BCO2: variants seen among roughly 807,000 people sequenced by gnomAD.
The protein encoded by BCO2 is carotenoid-cleaving dioxygenase, mitochondrial.
In BCO2, 56 loss-of-function variants were observed where a neutral mutation model predicts 65.8. The observed-to-expected ratio is 0.85, with a 90% CI of 0.69 to 1.06. The LOEUF (loss-of-function observed/expected upper bound fraction) is 1.06, where lower values mean the gene tolerates loss of function less well. BCO2 is among the 50% of genes least tolerant of loss of function. BCO2 has a pLI of 0.00. For missense variants in BCO2, 675 were observed against 698.5 expected, an observed-to-expected ratio of 0.97 and a Z score of 0.38; for synonymous variants, 233 against 242.3, an observed-to-expected ratio of 0.96 and a Z score of 0.36.
Position 112,193,608 on chromosome 11 carries a change from C to G in BCO2, c.428C>G (p.Ser143Ter), listed in dbSNP as rs903556679. The change falls in exon 3 of 12, where the codon TCA becomes TGA. Residue 143 changes from serine to a stop codon, truncating the protein, a stop_gained. Coordinates refer to ENST00000357685, the MANE Select transcript of BCO2 (RefSeq NM_031938.7). LOFTEE classifies it high-confidence loss of function. ...ANSAKNRIVI[S>*]EFGTLALPDP... Reference sequence around the variant, plus strand: ...AGTGCTAAAAACCGAATTGTGATCTCAGAATTTGGCACACTGGCTCTCCCG... The same window carrying G: ...AGTGCTAAAAACCGAATTGTGATCTGAGAATTTGGCACACTGGCTCTCCCG... 1.2e-6 allele frequency: 2 copies of G among 1,614,174 alleles called. No homozygotes were observed. Among genetic ancestry groups the G allele is most frequent in the Non-Finnish European group, 1.7e-6 (2 of 1,180,032 alleles).
chr11:112,215,506 C>G (rs1177512813), intron 10 of BCO2: 1 of 155,882 alleles, frequency 6.4e-6, no homozygotes, highest in African/African-American at 2.4e-5. Context: ...GTCAGGAAAT[C>G]AAGACCATCC....
intron 2 of BCO2, 146 bp from the exon 3 acceptor site, chr11:112,193,328 A>G (rs1056674855): frequency 9.0e-6 from 7 of 778,906 alleles, no homozygotes; most frequent in Non-Finnish European, 1.2e-5. Flanking sequence ...TCCTCCCACA[A>G]TTTCAAGTTC....
Position 112,213,721 on chromosome 11 carries a change from C to G in BCO2, c.1195-3C>G. 6.2e-7 allele frequency: 1 copy of G among 1,612,286 alleles called. No individual in the cohort carries two copies. Among genetic ancestry groups the G allele is most frequent in the South Asian group, 1.1e-5 (1 of 90,978 alleles). On this transcript the variant is annotated splice_region_variant and splice_polypyrimidine_tract_variant and intron_variant, in intron 8 of 11. Transcript: ENST00000357685. ...TTTTCATCTCTTTCTTCTTCCCAAA[C>G]AGGTCCATAATTCAGCAGCCAAATC...
At chr11:112,194,851 A>G (rs1867523267) in intron 5 of BCO2, 96 bp downstream of exon 5, 2 of 778,908 alleles carry the variant, frequency 2.6e-6, no homozygotes, top group South Asian at 3.4e-5. Flanking sequence ...TACTGGCACA[A>G]GTAGAGAGAG....
At position 112,180,800 on chromosome 11, in the gene BCO2, G is replaced by A. The variant is rs1227809444; in HGVS notation, c.293+1318G>A. 1.8e-5 allele frequency: 18 copies of A among 1,015,990 alleles called. No homozygotes were observed. In the East Asian group the frequency reaches 3.8e-4, roughly 21 times the overall value. 62.9% of individuals were successfully genotyped at this position (1,015,990 alleles called of 1,614,324 possible). On this transcript the variant is annotated intron_variant, in intron 2 of 11. Coordinates refer to ENST00000357685, the MANE Select transcript of BCO2 (RefSeq NM_031938.7). ...GAGGCGGATGACCCTGTTCCTGAAC[G>A]GCAGCCCCAAGAACGGAAAGGTAGT...
intron 8 of BCO2, among the ~76,000 whole-genome samples, chr11:112,206,451 T>C (rs1859342411): frequency 6.6e-6 from 1 of 152,122 alleles, no homozygotes; most frequent in South Asian, 2.1e-4. Flanking sequence ...TGGTATTGAG[T>C]TGTAAGAGTT....
At chr11:112,217,697 G>T in intron 11 of BCO2, 64 bp from the exon 12 acceptor site, 1 of 1,160,122 alleles carries the variant, frequency 8.6e-7, no homozygotes, top group Non-Finnish European at 1.3e-6. Flanking sequence ...ACAGCTTAGT[G>T]GAGGAGACAG....
At position 112,199,776 on chromosome 11, in the gene BCO2, T is replaced by C. The variant is rs911984959; in HGVS notation, c.814T>C (p.Cys272Arg). Reference protein sequence around the residue: ...GETIHGVQVICSIASTEKGKP... With the variant: ...GETIHGVQVIRSIASTEKGKP... ...GACAATCCATGGAGTCCAGGTGATA[T>C]GTTCTATTGCTTCTACAGAGAAAGG... Residue 272 changes from cysteine to arginine, a missense_variant, in exon 6 of 12, where the codon TGT becomes CGT. Physicochemically the swap from Cys to Arg is radical, Grantham distance 180. Coordinates refer to ENST00000357685, the MANE Select transcript of BCO2 (RefSeq NM_031938.7). The C allele has an allele frequency of 6.2e-7, 1 of 1,613,986 alleles. No individual in the cohort carries two copies.
intron 1 of BCO2, chr11:112,175,969 G>A (rs1446087946): frequency 1.3e-5 from 4 of 319,662 alleles, no homozygotes; most frequent in Non-Finnish European, 1.7e-5. Context: ...GCAATAAGAA[G>A]AATATTCAAT....
At chr11:112,214,619 G>T in intron 9 of BCO2, 143 bp from the exon 10 acceptor site, 1 of 626,930 alleles carries the variant, frequency 1.6e-6, no homozygotes, top group Non-Finnish European at 2.8e-6. Context: ...ATGGAAAGAG[G>T]AACAATATTA....
chr11:112,194,871 G>A, intron 5 of BCO2, 116 bp downstream of exon 5: 1 of 653,030 alleles, frequency 1.5e-6, no homozygotes, highest in Non-Finnish European at 2.7e-6. Context: ...GGGTGCTCTG[G>A]ACACCTCTAC....
intron 2 of BCO2, among the ~76,000 whole-genome samples, chr11:112,184,894 C>A (rs1867160001): frequency 6.6e-6 from 1 of 152,090 alleles, no homozygotes; most frequent in African/African-American, 2.4e-5. Flanking sequence ...CCACCTGTGT[C>A]TCCTTTGGGG....
chr11:112,176,463 G>A (rs1224689117), intron 1 of BCO2: 1 of 118,942 alleles, frequency 8.4e-6, no homozygotes, highest in Non-Finnish European at 1.6e-5. Context: ...AGTTAGGTGA[G>A]TAAATTTCAT....
intron 2 of BCO2, among the ~76,000 whole-genome samples, chr11:112,185,935 T>A (rs1867187299): frequency 1.3e-5 from 2 of 152,200 alleles, no homozygotes; most frequent in Non-Finnish European, 2.9e-5. Flanking sequence ...CTTCCCTTCC[T>A]CTAACCCCTG....
intron 8 of BCO2, among the ~76,000 whole-genome samples, chr11:112,203,050 C>CAAAAAAAAAA (rs547629144): frequency 9.5e-6 from 1 of 105,676 alleles, no homozygotes. Flanking sequence ...ACTCCATCTC[C>CAAAAAAAAAA]AAAAAAAAAA....
chr11:112,178,496 C>G (rs1866943673), intron 1 of BCO2, among the ~76,000 whole-genome samples: 1 of 152,174 alleles, frequency 6.6e-6, no homozygotes, highest in African/African-American at 2.4e-5. Flanking sequence ...CACTCTTAAA[C>G]TTTTATGAGA....
intron 2 of BCO2, among the ~76,000 whole-genome samples, chr11:112,188,380 G>C (rs3929085): frequency 0.12 from 17,795 of 152,054 alleles, 1,435 homozygotes; most frequent in South Asian, 0.34. Flanking sequence ...TTATTGCCTG[G>C]GCTCCTCGTT....
In BCO2 at chr11:112,214,783, C is replaced by G; in HGVS notation, c.1354C>G (p.Leu452Val). The G allele has an allele frequency of 6.2e-7, 1 of 1,613,564 alleles. No homozygotes were observed. The highest frequency in any genetic ancestry group is 8.5e-7 in the Non-Finnish European group (1 of 1,179,534). Residue 452 changes from leucine to valine, a missense_variant, in exon 10 of 12, where the codon CTA becomes GTA. Physicochemically the swap from Leu to Val is conservative, Grantham distance 32. Coordinates refer to ENST00000357685, the MANE Select transcript of BCO2 (RefSeq NM_031938.7). Reference sequence around the variant, plus strand: ...TTAGATCTGGTGCTCTCATGAAAATCTACATCAGGAGGACCTAGAAAAGGA... The same window carrying G: ...TTAGATCTGGTGCTCTCATGAAAATGTACATCAGGAGGACCTAGAAAAGGA... ...DGTIWCSHEN[L>V]HQEDLEKEGG...
rs185025042 is a variant in BCO2, at chr11:112,214,654, C to T, written c.1333-108C>T. Reference sequence around the variant, plus strand: ...AAAACATGACATAGAACCTCAGTTCCCAAGCCCTGTCACAAACCTTTATAG... The same window carrying T: ...AAAACATGACATAGAACCTCAGTTCTCAAGCCCTGTCACAAACCTTTATAG... On this transcript the variant is annotated intron_variant, in intron 9 of 11. Coordinates refer to ENST00000357685, the MANE Select transcript of BCO2 (RefSeq NM_031938.7). 1.8e-3 allele frequency: 1,456 copies of T among 819,024 alleles called. 9 individuals carry two copies. Among genetic ancestry groups the T allele is most frequent in the Middle Eastern group, 0.012 (44 of 3,522 alleles). The allele number at this position is 819,024 out of a possible 1,614,324, so 50.7% of individuals were successfully genotyped here. A position where few individuals can be genotyped will look rare whatever the true frequency, so the allele number is the denominator to read the frequency against.
Sources: gnomAD v4.1 joint callset for allele counts (sites outside exome capture counted in the v4.1 genomes callset) on GRCh38, gnomAD v4.1.1 for gene constraint, MANE v1.5 for transcripts, NCBI Gene and HGNC (gene_info 2026-07-23, HGNC 2026-07-21) for gene names.